MARCHF11: variants seen among roughly 807,000 people sequenced by gnomAD.
MARCHF11 encodes the protein membrane associated ring-CH-type finger 11.
Under a neutral mutation model 37.3 loss-of-function variants are expected in MARCHF11, and 29 were observed. The observed-to-expected ratio is 0.78, with a 90% confidence interval of 0.58 to 1.06. MARCHF11 has a LOEUF of 1.06. Among genes scored for constraint, MARCHF11 ranks in the 50% least tolerant of loss-of-function variants. The pLI, the probability that MARCHF11 is intolerant of heterozygous loss-of-function variation, is 0.00. For missense variants in MARCHF11, 482 were observed against 533.4 expected, an observed-to-expected ratio of 0.90 and a Z score of 0.95; for synonymous variants, 233 against 228.0, an observed-to-expected ratio of 1.02 and a Z score of -0.20.
At chr5:16,158,980 A>C (rs1002536059) in intron 2 of MARCHF11, among the ~76,000 whole-genome samples, 8 of 151,880 alleles carry the variant, frequency 5.3e-5, no homozygotes, top group Non-Finnish European at 8.8e-5. Context: ...TCTCACCCCC[A>C]ACAAATGATA....
chr5:16,103,204 T>C (rs1204424627), intron 2 of MARCHF11, among the ~76,000 whole-genome samples: 1 of 151,832 alleles, frequency 6.6e-6, no homozygotes, highest in African/African-American at 2.4e-5. Flanking sequence ...GCTTGACGAA[T>C]GGAGAAACTG....
intron 2 of MARCHF11, among the ~76,000 whole-genome samples, chr5:16,143,017 G>A (rs1461363609): frequency 6.6e-6 from 1 of 150,432 alleles, no homozygotes; most frequent in Admixed American, 6.7e-5. Flanking sequence ...TGGGATTACA[G>A]GCATGAGCCA....
rs528986672 is a variant in MARCHF11 at position 16,112,710 on chromosome 5, G to A, written c.694-21629C>T. ...TTGAAATCTGAGGGCATGAGATTTG[G>A]GAGTGGGCAGTGGTGGAATGATCTG... On this transcript the variant is annotated intron_variant, in intron 2 of 3. Transcript: ENST00000332432. Among the ~76,000 whole-genome samples the A allele has an allele frequency of 7.2e-5, 11 of 152,258 alleles. No homozygotes were observed. In the East Asian group the frequency reaches 1.7e-3, roughly 24 times the overall value.
intron 3 of MARCHF11, among the ~76,000 whole-genome samples, chr5:16,090,219 T>C (rs1736769281): frequency 6.6e-6 from 1 of 152,122 alleles, no homozygotes; most frequent in Non-Finnish European, 1.5e-5. Flanking sequence ...GCCACATAAA[T>C]GCTGCATGAT....
intron 3 of MARCHF11, among the ~76,000 whole-genome samples, chr5:16,088,009 G>C (rs1030351647): frequency 2.6e-5 from 4 of 152,200 alleles, no homozygotes; most frequent in African/African-American, 9.7e-5. Context: ...GTAGAACCAA[G>C]TTTGGAAAGC....
intron 2 of MARCHF11, among the ~76,000 whole-genome samples, chr5:16,111,705 T>C (rs1438920038): frequency 6.6e-6 from 1 of 152,188 alleles, no homozygotes; most frequent in East Asian, 1.9e-4. Context: ...AGGAGCCAAA[T>C]GTTAATCAGC....
intron 2 of MARCHF11, among the ~76,000 whole-genome samples, chr5:16,117,683 G>T (rs1737244228): frequency 6.6e-6 from 1 of 152,170 alleles, no homozygotes; most frequent in South Asian, 2.1e-4. Context: ...GAGCCCAGGA[G>T]ATTGAGACAA....
chr5:16,174,352 C>T (rs530193279), intron 2 of MARCHF11, among the ~76,000 whole-genome samples: 20 of 152,292 alleles, frequency 1.3e-4, no homozygotes, highest in African/African-American at 2.4e-4. Context: ...GCTAATGATA[C>T]GGCAATTAAG....
intron 2 of MARCHF11, among the ~76,000 whole-genome samples, chr5:16,161,317 C>T (rs1738072921): frequency 6.6e-6 from 1 of 151,646 alleles, no homozygotes; most frequent in East Asian, 2.0e-4. Flanking sequence ...AATGATCTGT[C>T]TTCCTTCCTG....
At chr5:16,168,488 A>G (rs1449981057) in intron 2 of MARCHF11, among the ~76,000 whole-genome samples, 2 of 152,132 alleles carry the variant, frequency 1.3e-5, no homozygotes, top group African/African-American at 4.8e-5. Context: ...AATAGAAGCG[A>G]TGGTAGTATG....
Position 16,177,720 on chromosome 5 carries a change from G to A in MARCHF11, c.693+6C>T. 1 of 1,597,226 alleles carries A rather than the reference G, an allele frequency of 6.3e-7. No homozygotes were observed. Among genetic ancestry groups the A allele is most frequent in the Non-Finnish European group, 8.5e-7 (1 of 1,172,778 alleles). ...TTCAGGAAAAATAAATGTTGAAACT[G>A]CTTACCTGGCAAGGTTGTTTCATTT... is the stretch of plus-strand genomic sequence containing the variant. On this transcript the variant is annotated splice_donor_region_variant and intron_variant, in intron 2 of 3. Coordinates refer to ENST00000332432, the MANE Select transcript of MARCHF11 (RefSeq NM_001102562.3).
At chr5:16,079,001 G>A (rs1169073147) in intron 3 of MARCHF11, among the ~76,000 whole-genome samples, 5 of 152,094 alleles carry the variant, frequency 3.3e-5, no homozygotes, top group Admixed American at 3.3e-4. Context: ...ACTCATATAT[G>A]GGATAAAGCC....
chr5:16,092,224 T>C (rs1156430770), intron 2 of MARCHF11, among the ~76,000 whole-genome samples: 2 of 152,164 alleles, frequency 1.3e-5, no homozygotes, highest in Non-Finnish European at 2.9e-5. Flanking sequence ...CTCATACACA[T>C]ACCATAAATA....
chr5:16,078,046 C>T (rs1736548083), intron 3 of MARCHF11, among the ~76,000 whole-genome samples: 1 of 152,222 alleles, frequency 6.6e-6, no homozygotes, highest in Admixed American at 6.5e-5. Context: ...TAAATAGCTT[C>T]ACTTTATTGT....
chr5:16,179,370 A>G lies in MARCHF11; in HGVS notation c.206T>C (p.Leu69Pro). ...CCTGCACCGCGGGGCCACCTCCCCT[A>G]GCGGCTCGCTTGGCCCCGCGGCGCG... Reference protein sequence around the residue: ...PERAAGPSEPLGEVAPRCRGA... With the variant: ...PERAAGPSEPPGEVAPRCRGA... Residue 69 changes from leucine (L) to proline (P), a missense_variant, in exon 1 of 4, where the codon CTA becomes CCA. Physicochemically the swap from Leu to Pro is moderately conservative, Grantham distance 98 (BLOSUM62 -3). Coordinates refer to ENST00000332432, the MANE Select transcript of MARCHF11 (RefSeq NM_001102562.3). 12 of 1,162,462 alleles carry G rather than the reference A, an allele frequency of 1.0e-5. No individual in the cohort carries two copies. The highest frequency in any genetic ancestry group is 1.3e-5 in the Non-Finnish European group (12 of 945,272). 72.0% of individuals were successfully genotyped at this position (1,162,462 alleles called of 1,614,324 possible). A position where few individuals can be genotyped will look rare whatever the true frequency, so the allele number is the denominator to read the frequency against.
chr5:16,178,821 T>C (rs564899428), intron 1 of MARCHF11, among the ~76,000 whole-genome samples: 3 of 152,268 alleles, frequency 2.0e-5, no homozygotes, highest in South Asian at 2.1e-4. Flanking sequence ...GAAGTGTAGA[T>C]GAAATTAAAC....
chr5:16,157,608 T>C lies in MARCHF11; in HGVS notation c.693+20118A>G, dbSNP rs1321859427. Among the ~76,000 whole-genome samples, 8 of 152,016 alleles carry C rather than the reference T, an allele frequency of 5.3e-5. 1 individual carries two copies. The highest frequency in any genetic ancestry group is 4.1e-4 in the South Asian group (2 of 4,824). ...GGGAAAGGACGGTCTCTTCAATAAA[T>C]GGTTTTGGGGAAAGTGAATATCTCC... On this transcript the variant is annotated intron_variant, in intron 2 of 3. Transcript: ENST00000332432.
At chr5:16,112,811 G>A (rs1280176927) in intron 2 of MARCHF11, among the ~76,000 whole-genome samples, 1 of 152,084 alleles carries the variant, frequency 6.6e-6, no homozygotes, top group African/African-American at 2.4e-5. Context: ...GGAAGGACTT[G>A]GTGGGAGATA....
intron 2 of MARCHF11, among the ~76,000 whole-genome samples, chr5:16,137,812 C>T (rs1318486446): frequency 6.6e-6 from 1 of 152,140 alleles, no homozygotes; most frequent in African/African-American, 2.4e-5. Context: ...TGGCATTTTG[C>T]CCCTGCCCTA....
Sources: allele counts gnomAD v4.1 joint callset (sites outside exome capture counted in the v4.1 genomes callset), GRCh38; gene constraint gnomAD v4.1.1; transcripts MANE v1.5; gene names NCBI Gene and HGNC (gene_info 2026-07-23, HGNC 2026-07-21).